The following TBXAS1 variants were observed in gnomAD, a reference collection of about 807,000 sequenced individuals.
The protein encoded by TBXAS1 is thromboxane A synthase 1.
A neutral mutation model predicts 60.7 loss-of-function variants in TBXAS1; 48 were observed. The observed-to-expected ratio is 0.79, with a 90% CI of 0.63 to 1.01. The LOEUF is 1.01. Ranked by LOEUF, TBXAS1 falls within the 50% of genes least tolerant of loss-of-function variation. TBXAS1 has a pLI of 0.00. For synonymous variants in TBXAS1, 287 were observed against 269.7 expected (o/e 1.06, Z -0.63); for missense variants, 685 against 686.3 (o/e 1.00, Z 0.02).
chr7:139,819,227 A>C (rs1039443612), intron 4 of TBXAS1, among the ~76,000 whole-genome samples: 11 of 152,180 alleles, frequency 7.2e-5, no homozygotes, highest in African/African-American at 2.7e-4. Context: ...CTGGCCTGTA[A>C]AATTCTTCCT....
intron 9 of TBXAS1, among the ~76,000 whole-genome samples, chr7:140,002,544 C>G (rs1030273979): frequency 1.3e-5 from 2 of 152,212 alleles, no homozygotes; most frequent in Non-Finnish European, 2.9e-5. Context: ...CCAGCAACTG[C>G]TGGGTGGACC....
At chr7:139,905,005 C>CTCTT (rs775007248) in intron 3 of TBXAS1, among the ~76,000 whole-genome samples, 8,848 of 88,788 alleles carry the variant, frequency 0.1, 612 homozygotes, top group Non-Finnish European at 0.13. Flanking sequence ...CTCTCTTTCT[C>CTCTT]TCTTTCTTTC....
chr7:139,994,539 A>C (rs1256556439), intron 9 of TBXAS1, among the ~76,000 whole-genome samples: 1 of 152,096 alleles, frequency 6.6e-6, no homozygotes, highest in Non-Finnish European at 1.5e-5. Context: ...GCTTGGGCCT[A>C]GCCCTCCCCA....
chr7:139,950,527 T>C (rs1809122005), intron 5 of TBXAS1, among the ~76,000 whole-genome samples: 1 of 152,182 alleles, frequency 6.6e-6, no homozygotes, highest in African/African-American at 2.4e-5. Flanking sequence ...GGGTGTGTTA[T>C]GCTGTGAACA....
At chr7:139,894,819 A>T (rs144888737) in intron 3 of TBXAS1, among the ~76,000 whole-genome samples, 3 of 152,324 alleles carry the variant, frequency 2.0e-5, no homozygotes, top group African/African-American at 7.2e-5. Context: ...TCCACTCAAC[A>T]GACATTTCAG....
chr7:139,853,139 C>A (rs996867092), intron 1 of TBXAS1, among the ~76,000 whole-genome samples: 1 of 152,138 alleles, frequency 6.6e-6, no homozygotes, highest in Admixed American at 6.5e-5. Context: ...GTCCTTATTT[C>A]AAGTCTTGAA....
chr7:139,868,316 A>G (rs751314298), intron 1 of TBXAS1, among the ~76,000 whole-genome samples: 7 of 152,146 alleles, frequency 4.6e-5, no homozygotes, highest in Admixed American at 1.3e-4. Flanking sequence ...TTTTTTTACA[A>G]TGACAATTTT....
intron 4 of TBXAS1, among the ~76,000 whole-genome samples, chr7:139,791,814 T>G (rs55912759): frequency 1.0e-4 from 15 of 144,634 alleles, no homozygotes; most frequent in South Asian, 6.2e-4. Flanking sequence ...TTTTGTTTTT[T>G]TTTTTTTTTT....
chr7:139,920,493 C>T (rs1442898285), intron 4 of TBXAS1, among the ~76,000 whole-genome samples: 1 of 152,152 alleles, frequency 6.6e-6, no homozygotes, highest in East Asian at 1.9e-4. Context: ...TAATGGGATC[C>T]ATGTTAAAAA....
chr7:139,804,931 A>G (rs1187047159), intron 4 of TBXAS1, among the ~76,000 whole-genome samples: 1 of 152,228 alleles, frequency 6.6e-6, no homozygotes, highest in Non-Finnish European at 1.5e-5. Flanking sequence ...CCCTCTTAAT[A>G]TATTTTGGAA....
intron 8 of TBXAS1, among the ~76,000 whole-genome samples, chr7:139,958,010 G>A (rs752206852): frequency 5.3e-5 from 8 of 152,100 alleles, no homozygotes; most frequent in Non-Finnish European, 8.8e-5. Context: ...GGACACGGAC[G>A]GGTAGAATTA....
At chr7:140,016,823 A>G (rs1815112560) in intron 11 of TBXAS1, 2 of 152,824 alleles carry the variant, frequency 1.3e-5, no homozygotes, top group Non-Finnish European at 2.9e-5. Flanking sequence ...CATGGCTCCA[A>G]CTGAGTTCAG....
chr7:139,994,618 A>G (rs1289711607), intron 9 of TBXAS1, among the ~76,000 whole-genome samples: 1 of 143,358 alleles, frequency 7.0e-6, no homozygotes, highest in African/African-American at 2.5e-5. Context: ...GGAAAAAAAG[A>G]AAAAAAAAAC....
intron 10 of TBXAS1, among the ~76,000 whole-genome samples, chr7:140,011,287 AAC>A (rs1814586952): frequency 2.0e-5 from 3 of 147,210 alleles, no homozygotes; most frequent in African/African-American, 7.9e-5. Context: ...AAAAAAAACA[AAC>A]AAACAAACAA....
chr7:140,010,087 C>A (rs1814493461), intron 10 of TBXAS1, among the ~76,000 whole-genome samples: 1 of 147,518 alleles, frequency 6.8e-6, no homozygotes, highest in Admixed American at 6.7e-5. Flanking sequence ...ACACCACACC[C>A]ACCCCACACC....
At chr7:139,871,786 G>A (rs1468308719) in intron 1 of TBXAS1, among the ~76,000 whole-genome samples, 2 of 152,214 alleles carry the variant, frequency 1.3e-5, no homozygotes, top group African/African-American at 4.8e-5. Flanking sequence ...GTGGCAGGGA[G>A]GGGTTAGTCT....
intron 9 of TBXAS1, among the ~76,000 whole-genome samples, chr7:139,998,823 C>T (rs1009678122): frequency 1.3e-5 from 2 of 152,192 alleles, no homozygotes; most frequent in Admixed American, 6.5e-5. Context: ...TATGTTTTTT[C>T]ATTACATCTC....
At chr7:139,988,737 T>C (rs1812682354) in intron 9 of TBXAS1, among the ~76,000 whole-genome samples, 1 of 152,080 alleles carries the variant, frequency 6.6e-6, no homozygotes, top group Non-Finnish European at 1.5e-5. Flanking sequence ...GTTTACAAAG[T>C]AGTCTGCCCC....
intron 3 of TBXAS1, among the ~76,000 whole-genome samples, chr7:139,893,110 A>G (rs1032158944): frequency 8.6e-5 from 13 of 151,980 alleles, no homozygotes; most frequent in African/African-American, 3.1e-4. Context: ...CTCTTCTTTC[A>G]GAGTTGCATA....
Sources: gnomAD v4.1 joint callset for allele counts (sites outside exome capture counted in the v4.1 genomes callset) on GRCh38, gnomAD v4.1.1 for gene constraint, MANE v1.5 for transcripts, NCBI Gene and HGNC (gene_info 2026-07-23, HGNC 2026-07-21) for gene names.